PTPRD: variants seen among roughly 807,000 people sequenced by gnomAD.
PTPRD encodes receptor-type tyrosine-protein phosphatase delta.
Under a neutral mutation model 214.5 loss-of-function variants are expected in PTPRD, and 34 were observed. The observed-to-expected ratio is 0.16, with a 90% CI of 0.12 to 0.21. The LOEUF is 0.21. Ranked by LOEUF, PTPRD falls within the 10% of genes least tolerant of loss-of-function variation. The pLI is 1.00. For missense variants in PTPRD, 2,545 were observed against 2,398.7 expected (o/e 1.06, Z -1.27); for synonymous variants, 1,128 against 845.7 (o/e 1.33, Z -5.79).
intron 11 of PTPRD, among the ~76,000 whole-genome samples, chr9:8,973,739 C>T (rs114019399): frequency 2.0e-3 from 306 of 152,078 alleles, no homozygotes; most frequent in African/African-American, 7.1e-3. Context: ...TGTTTTTTGA[C>T]TTTTAATAAT....
intron 11 of PTPRD, among the ~76,000 whole-genome samples, chr9:9,002,584 C>A (rs2099428590): frequency 6.6e-6 from 1 of 152,032 alleles, no homozygotes; most frequent in Admixed American, 6.6e-5. Flanking sequence ...TCCACACCAA[C>A]AATAAGGCCC....
At chr9:8,881,498 T>C (rs971171157) in intron 11 of PTPRD, among the ~76,000 whole-genome samples, 1 of 152,228 alleles carries the variant, frequency 6.6e-6, no homozygotes, top group Non-Finnish European at 1.5e-5. Context: ...CAGTTAGTTC[T>C]TTCTGTAATG....
chr9:8,706,344 A>G (rs964850176), intron 12 of PTPRD, among the ~76,000 whole-genome samples: 28 of 152,140 alleles, frequency 1.8e-4, no homozygotes, highest in African/African-American at 6.8e-4. Flanking sequence ...GTCTGACTCG[A>G]ATATTATTGT....
At chr9:10,605,021 T>A (rs868420128) in intron 2 of PTPRD, among the ~76,000 whole-genome samples, 3 of 151,838 alleles carry the variant, frequency 2.0e-5, no homozygotes, top group Non-Finnish European at 2.9e-5. Context: ...CCATGATTTT[T>A]TTTAAGAGAA....
chr9:9,451,991 A>G (rs923961630), intron 8 of PTPRD, among the ~76,000 whole-genome samples: 207 of 151,638 alleles, frequency 1.4e-3, no homozygotes, highest in African/African-American at 4.4e-3. Flanking sequence ...GAATAGAATT[A>G]TCATACGTAC....
chr9:9,454,179 G>A (rs956380457), intron 8 of PTPRD, among the ~76,000 whole-genome samples: 2 of 151,704 alleles, frequency 1.3e-5, no homozygotes, highest in Non-Finnish European at 2.9e-5. Flanking sequence ...TGAGTTGTTA[G>A]ATATTTCCAG....
At chr9:8,622,930 G>A (rs1199759352) in intron 14 of PTPRD, among the ~76,000 whole-genome samples, 3 of 151,602 alleles carry the variant, frequency 2.0e-5, no homozygotes, top group African/African-American at 4.8e-5. Flanking sequence ...CTTAAGCCAA[G>A]AGTTCAAGAC....
At chr9:9,958,161 T>C (rs2094090805) in intron 4 of PTPRD, among the ~76,000 whole-genome samples, 2 of 152,114 alleles carry the variant, frequency 1.3e-5, no homozygotes, top group African/African-American at 4.8e-5. Flanking sequence ...TGATGTTGAG[T>C]TTGGCAAGAA....
intron 4 of PTPRD, among the ~76,000 whole-genome samples, chr9:10,014,624 G>A (rs560637614): frequency 6.6e-6 from 1 of 151,988 alleles, no homozygotes; most frequent in East Asian, 1.9e-4. Flanking sequence ...GCCTCAACAA[G>A]TCATAAATGA....
intron 4 of PTPRD, among the ~76,000 whole-genome samples, chr9:10,030,098 G>A (rs191403670): frequency 1.3e-5 from 2 of 152,156 alleles, no homozygotes; most frequent in African/African-American, 4.8e-5. Context: ...CCATGATTGT[G>A]AGGCCTCCCC....
chr9:10,223,632 T>G (rs888795757), intron 3 of PTPRD, among the ~76,000 whole-genome samples: 10 of 150,298 alleles, frequency 6.7e-5, no homozygotes, highest in African/African-American at 2.4e-4. Flanking sequence ...ATCATGCCAC[T>G]GCACTCCAGC....
intron 7 of PTPRD, among the ~76,000 whole-genome samples, chr9:9,729,293 G>A (rs1479178574): frequency 1.3e-5 from 2 of 152,126 alleles, no homozygotes; most frequent in Non-Finnish European, 2.9e-5. Flanking sequence ...ATTCAGTCTT[G>A]TGGCTCTACT....
At chr9:8,330,195 G>T (rs1033016738) in intron 44 of PTPRD, among the ~76,000 whole-genome samples, 2 of 152,104 alleles carry the variant, frequency 1.3e-5, no homozygotes, top group Non-Finnish European at 2.9e-5. Flanking sequence ...CTCACCCTTT[G>T]TGGGCTGCAC....
chr9:8,685,368 A>G (rs72700351), intron 12 of PTPRD, among the ~76,000 whole-genome samples: 1 of 152,062 alleles, frequency 6.6e-6, no homozygotes, highest in African/African-American at 2.4e-5. Context: ...GGAAAAAAAA[A>G]TCATTTTTGA....
chr9:9,771,809 T>C (rs1330940813), intron 5 of PTPRD, among the ~76,000 whole-genome samples: 1 of 152,162 alleles, frequency 6.6e-6, no homozygotes, highest in Non-Finnish European at 1.5e-5. Context: ...CCAATGTCTT[T>C]GTATCTGCTT....
intron 10 of PTPRD, among the ~76,000 whole-genome samples, chr9:9,081,509 GTCT>G (rs1301618341): frequency 2.0e-5 from 3 of 152,136 alleles, no homozygotes; most frequent in East Asian, 1.9e-4. Flanking sequence ...TGTCTACTAG[GTCT>G]TCTTCTTCCA....
intron 9 of PTPRD, among the ~76,000 whole-genome samples, chr9:9,195,086 GTATATA>G (rs540804635): frequency 0.02 from 2,643 of 131,182 alleles, 63 homozygotes; most frequent in Non-Finnish European, 0.027. Context: ...GTGTGTTTGT[GTATATA>G]TATATATATA....
At chr9:9,175,622 C>CAAAAAAAAAAAAAA (rs55707715) in intron 10 of PTPRD, among the ~76,000 whole-genome samples, 1 of 45,274 alleles carries the variant, frequency 2.2e-5, no homozygotes, top group African/African-American at 8.9e-5. Flanking sequence ...GACTCTGTCT[C>CAAAAAAAAAAAAAA]AAAAAAAAAA....
intron 12 of PTPRD, among the ~76,000 whole-genome samples, chr9:8,676,202 G>T (rs543571404): frequency 6.6e-6 from 1 of 152,100 alleles, no homozygotes; most frequent in East Asian, 1.9e-4. Context: ...CCTCCTTTAA[G>T]CATCACCTTC....
Sources: gnomAD v4.1 joint callset for allele counts (sites outside exome capture counted in the v4.1 genomes callset) on GRCh38, gnomAD v4.1.1 for gene constraint, MANE v1.5 for transcripts, NCBI Gene and HGNC (gene_info 2026-07-23, HGNC 2026-07-21) for gene names.